Variants in RAB11FIP4 observed in about 807,000 individuals in gnomAD.
RAB11FIP4 encodes rab11 family-interacting protein 4.
RAB11FIP4 carries 23 observed loss-of-function variants against 74.3 expected under a neutral mutation model. The observed-to-expected ratio is 0.31, with a 90% CI of 0.22 to 0.44. The LOEUF is 0.44. Ranked by LOEUF, RAB11FIP4 falls within the 20% of genes least tolerant of loss-of-function variation. The pLI, the probability that RAB11FIP4 is intolerant of heterozygous loss-of-function variation, is 1.00. For missense variants in RAB11FIP4, 630 were observed against 863.9 expected (o/e 0.73, Z 3.39); for synonymous variants, 360 against 359.9 (o/e 1.00, Z 0.00).
intron 1 of RAB11FIP4, among the ~76,000 whole-genome samples, chr17:31,404,183 T>C (rs1173174701): frequency 1.3e-5 from 2 of 152,240 alleles, no homozygotes; most frequent in African/African-American, 4.8e-5. Context: ...TTGTCTCCAG[T>C]TGGCCGCCCC....
chr17:31,474,660 C>T (rs1011017364), intron 3 of RAB11FIP4, among the ~76,000 whole-genome samples: 2 of 111,082 alleles, frequency 1.8e-5, no homozygotes, highest in African/African-American at 7.3e-5. Context: ...CAGAGCTAGA[C>T]TCCATCTCAA....
At chr17:31,453,708 C>T (rs2071548645) in intron 3 of RAB11FIP4, among the ~76,000 whole-genome samples, 1 of 149,926 alleles carries the variant, frequency 6.7e-6, no homozygotes, top group Admixed American at 6.7e-5. Context: ...GCCTGTAGTC[C>T]CAACTACTAG....
At chr17:31,453,696 A>G (rs1314953712) in intron 3 of RAB11FIP4, among the ~76,000 whole-genome samples, 11 of 147,916 alleles carry the variant, frequency 7.4e-5, no homozygotes, top group African/African-American at 1.3e-4. Context: ...GTGGTGGTGC[A>G]TGCCTGTAGT....
At chr17:31,400,731 G>C (rs1386617255) in intron 1 of RAB11FIP4, among the ~76,000 whole-genome samples, 1 of 152,224 alleles carries the variant, frequency 6.6e-6, no homozygotes, top group East Asian at 1.9e-4. Context: ...GTTGCTGGGT[G>C]GGGAGGCAGA....
chr17:31,530,597 C>G (rs2072853056), intron 14 of RAB11FIP4, 128 bp downstream of exon 14: 1 of 1,241,920 alleles, frequency 8.1e-7, no homozygotes, highest in Non-Finnish European at 1.1e-6. Context: ...ACAGCTACCC[C>G]ACATGACAGG....
At chr17:31,474,204 G>A (rs569987420) in intron 3 of RAB11FIP4, among the ~76,000 whole-genome samples, 2 of 152,260 alleles carry the variant, frequency 1.3e-5, no homozygotes, top group South Asian at 2.1e-4. Context: ...CATTTAGTTC[G>A]GAGCTCCAGG....
chr17:31,462,057 T>A (rs1363949349), intron 3 of RAB11FIP4, among the ~76,000 whole-genome samples: 1 of 151,694 alleles, frequency 6.6e-6, no homozygotes. Flanking sequence ...AGGTCAGGAG[T>A]TCGAGACCAG....
intron 3 of RAB11FIP4, among the ~76,000 whole-genome samples, chr17:31,478,705 T>C (rs1597941797): frequency 6.6e-6 from 1 of 152,206 alleles, no homozygotes; most frequent in Non-Finnish European, 1.5e-5. Flanking sequence ...TGCATCTCCC[T>C]GGGCTTAGAA....
At chr17:31,437,493 A>C (rs919515927) in intron 3 of RAB11FIP4, among the ~76,000 whole-genome samples, 4 of 152,086 alleles carry the variant, frequency 2.6e-5, no homozygotes, top group African/African-American at 7.2e-5. Context: ...GGGTGCCTGG[A>C]TCACTACGTA....
At chr17:31,472,990 G>A (rs2071755044) in intron 3 of RAB11FIP4, among the ~76,000 whole-genome samples, 1 of 151,798 alleles carries the variant, frequency 6.6e-6, no homozygotes, top group Non-Finnish European at 1.5e-5. Flanking sequence ...CCGAGATTAT[G>A]CCACTACACT....
chr17:31,520,493 T>A (rs2072642111), intron 4 of RAB11FIP4, among the ~76,000 whole-genome samples: 1 of 152,172 alleles, frequency 6.6e-6, no homozygotes, highest in Non-Finnish European at 1.5e-5. Flanking sequence ...CTCCGAATGT[T>A]TTTTTGTTTG....
intron 3 of RAB11FIP4, among the ~76,000 whole-genome samples, chr17:31,442,833 G>A (rs2071418735): frequency 6.6e-6 from 1 of 152,086 alleles, no homozygotes; most frequent in Non-Finnish European, 1.5e-5. Flanking sequence ...GATAGCGCAT[G>A]CCTGTAATCC....
chr17:31,505,561 T>TATAATATATA (rs1373614167), intron 3 of RAB11FIP4, among the ~76,000 whole-genome samples: 2 of 73,308 alleles, frequency 2.7e-5, no homozygotes, highest in African/African-American at 1.1e-4. Flanking sequence ...TAATAATAAT[T>TATAATATATA]ATAATATATA....
At chr17:31,446,004 TTTTTTTTCTTTTCTTTCTTTCTA>T (rs2071460267) in intron 3 of RAB11FIP4, among the ~76,000 whole-genome samples, 1 of 151,812 alleles carries the variant, frequency 6.6e-6, no homozygotes, top group Admixed American at 6.6e-5. Flanking sequence ...TTCCTTGGCT[TTTTTTTTCTTTTCTTTCTTTCTA>T]TTTTTTTCTT....
At chr17:31,489,370 G>A (rs748110696) in intron 3 of RAB11FIP4, among the ~76,000 whole-genome samples, 7 of 152,080 alleles carry the variant, frequency 4.6e-5, no homozygotes, top group Non-Finnish European at 8.8e-5. Flanking sequence ...CAAAGGGGTC[G>A]GAGGCAGTAC....
At chr17:31,459,844 C>G (rs1257779725) in intron 3 of RAB11FIP4, among the ~76,000 whole-genome samples, 1 of 152,018 alleles carries the variant, frequency 6.6e-6, no homozygotes, top group Non-Finnish European at 1.5e-5. Flanking sequence ...AGGGGCTCCT[C>G]TGTTGTTCTG....
At chr17:31,453,099 C>G (rs2071541248) in intron 3 of RAB11FIP4, among the ~76,000 whole-genome samples, 4 of 152,042 alleles carry the variant, frequency 2.6e-5, no homozygotes, top group Admixed American at 2.6e-4. Context: ...GCCTGTAATT[C>G]CAACACTTTG....
chr17:31,517,997 T>A (rs2072593051), intron 4 of RAB11FIP4, 120 bp downstream of exon 4: 1 of 732,064 alleles, frequency 1.4e-6, no homozygotes. Flanking sequence ...GAGGCATTAG[T>A]GTCATGGGTA....
Position 31,523,910 on chromosome 17 carries a change from G to GAAGGTGAC in RAB11FIP4, c.1049_1056dup (p.Glu353ArgfsTer2). On this transcript the variant is annotated frameshift_variant, in exon 9 of 15. Transcript: ENST00000621161. LOFTEE classifies it high-confidence loss of function. Reference sequence around the variant, plus strand: ...TGCTGCAGGTAAGCTTCCTGGAAAAGAAGGTGACAGAGCTGGAGAATGACA... The same window carrying GAAGGTGAC: ...TGCTGCAGGTAAGCTTCCTGGAAAAGAAGGTGACAAGGTGACAGAGCTGGAGAATGACA... 6.2e-7 allele frequency: 1 copy of GAAGGTGAC among 1,610,248 alleles called. No individual in the cohort carries two copies. Among genetic ancestry groups the GAAGGTGAC allele is most frequent in the Non-Finnish European group, 8.5e-7 (1 of 1,177,876 alleles).
Sources: gnomAD v4.1 joint callset for allele counts (sites outside exome capture counted in the v4.1 genomes callset) on GRCh38, gnomAD v4.1.1 for gene constraint, MANE v1.5 for transcripts, NCBI Gene and HGNC (gene_info 2026-07-23, HGNC 2026-07-21) for gene names.